Variants in RBFOX1 observed in about 807,000 individuals in gnomAD.
The protein encoded by RBFOX1 is RNA binding fox-1 homolog 1, also known as RNA binding protein fox-1 homolog 1.
A neutral mutation model predicts 57.7 loss-of-function variants in RBFOX1; 8 were observed. The ratio of observed to expected loss-of-function variants is 0.14; its 90% CI spans 0.08 to 0.25. RBFOX1 has a LOEUF of 0.25. RBFOX1 is among the 10% of genes least tolerant of loss of function. The pLI, the probability that RBFOX1 is intolerant of heterozygous loss-of-function variation, is 1.00. For synonymous variants in RBFOX1, 326 were observed against 222.4 expected (o/e 1.47, Z -4.15); for missense variants, 611 against 548.5 (o/e 1.11, Z -1.14).
At chr16:5,727,626 C>T (rs1232935706) in intron 3 of RBFOX1, among the ~76,000 whole-genome samples, 1 of 152,074 alleles carries the variant, frequency 6.6e-6, no homozygotes, top group African/African-American at 2.4e-5. Context: ...CCAATATCTC[C>T]CCATTTACCC....
At chr16:7,041,060 C>T (rs1227657326) in intron 3 of RBFOX1, among the ~76,000 whole-genome samples, 2 of 148,574 alleles carry the variant, frequency 1.3e-5, no homozygotes, top group Non-Finnish European at 3.0e-5. Context: ...GGATTACAGG[C>T]AAGTGCCAAC....
At chr16:6,519,556 C>A (rs1208552726) in intron 2 of RBFOX1, among the ~76,000 whole-genome samples, 3 of 152,052 alleles carry the variant, frequency 2.0e-5, no homozygotes, top group African/African-American at 7.2e-5. Flanking sequence ...CAAAAATTAG[C>A]CAGGCGTGGT....
chr16:7,127,114 G>A (rs1035129351), intron 4 of RBFOX1, among the ~76,000 whole-genome samples: 1 of 150,308 alleles, frequency 6.7e-6, no homozygotes, highest in Non-Finnish European at 1.5e-5. Flanking sequence ...AGCACTTCAT[G>A]TGGTCATAAA....
intron 3 of RBFOX1, among the ~76,000 whole-genome samples, chr16:7,032,251 C>T (rs564471226): frequency 6.6e-6 from 1 of 151,970 alleles, no homozygotes; most frequent in South Asian, 2.1e-4. Context: ...ATGGTGAAAC[C>T]CCATCTCTAC....
chr16:6,808,908 T>C (rs2087672089), intron 3 of RBFOX1, among the ~76,000 whole-genome samples: 1 of 152,222 alleles, frequency 6.6e-6, no homozygotes, highest in Non-Finnish European at 1.5e-5. Flanking sequence ...CAAAGCAAGA[T>C]GTTAACGCAA....
Position 5,454,972 on chromosome 16 carries a change from T to TTTCTTTCTTTCC in RBFOX1, c.220-12233_220-12232insCTTCTTTCTTTC, listed in dbSNP as rs1567536087. On this transcript the variant is annotated intron_variant, in intron 1 of 2. Transcript: ENST00000585867. ...CTTCCTTCCTTCCTTTCTTTCTTTC[T>TTTCTTTCTTTCC]TTCTTTCTTTCTTTCTTTCTTTCTT... 1.2e-4 allele frequency among the ~76,000 whole-genome samples: 10 copies of TTTCTTTCTTTCC among 85,126 alleles called. 1 individual carries two copies. The highest frequency in any genetic ancestry group is 6.8e-4 in the Admixed American group (5 of 7,336). The allele number at this position is 85,126 out of a possible 152,430, so 55.8% of individuals were successfully genotyped here. A position where few individuals can be genotyped will look rare whatever the true frequency, so the allele number is the denominator to read the frequency against.
intron 2 of RBFOX1, among the ~76,000 whole-genome samples, chr16:6,625,305 T>G (rs2098289381): frequency 6.6e-6 from 1 of 151,528 alleles, no homozygotes; most frequent in Admixed American, 6.6e-5. Flanking sequence ...TCGATTTAAA[T>G]TAGAAAGAAC....
rs530608164 is a variant in RBFOX1 at position 7,478,674 on chromosome 16, C to A, written c.28-39473C>A. On this transcript the variant is annotated intron_variant, in intron 4 of 15. Transcript: ENST00000550418. ...ACTTTTGCCAGCTTTCCGCTATATG[C>A]AACAAAAACCTCAACCTCTGAATAT... Among the ~76,000 whole-genome samples, 11 of 152,262 alleles carry A rather than the reference C, an allele frequency of 7.2e-5. No homozygotes were observed. In the South Asian group the frequency reaches 2.1e-3, roughly 29 times the overall value.
At chr16:5,899,565 G>T (rs1366675252) in intron 4 of RBFOX1, among the ~76,000 whole-genome samples, 4 of 152,184 alleles carry the variant, frequency 2.6e-5, no homozygotes, top group African/African-American at 7.2e-5. Context: ...CAAACTGAAA[G>T]AGCTGGATAT....
At chr16:6,693,237 C>G (rs1446708495) in intron 3 of RBFOX1, among the ~76,000 whole-genome samples, 1 of 151,856 alleles carries the variant, frequency 6.6e-6, no homozygotes, top group Non-Finnish European at 1.5e-5. Context: ...CCTCCACTAC[C>G]ATCACCACCA....
At chr16:6,516,577 T>A (rs1341593573) in intron 2 of RBFOX1, among the ~76,000 whole-genome samples, 2 of 152,138 alleles carry the variant, frequency 1.3e-5, no homozygotes, top group Admixed American at 6.6e-5. Flanking sequence ...ACATGAAGAG[T>A]GACTAGTTCA....
intron 4 of RBFOX1, among the ~76,000 whole-genome samples, chr16:7,131,427 A>G (rs117553418): frequency 5.8e-5 from 8 of 138,564 alleles, no homozygotes; most frequent in African/African-American, 1.9e-4. Context: ...TTTAAGTTAT[A>G]GTTGGCCACT....
intron 1 of RBFOX1, among the ~76,000 whole-genome samples, chr16:5,408,645 T>C (rs1010185986): frequency 1.3e-5 from 2 of 152,200 alleles, no homozygotes; most frequent in African/African-American, 2.4e-5. Flanking sequence ...GGGTAATTTA[T>C]AAAGAAAAGA....
intron 4 of RBFOX1, among the ~76,000 whole-genome samples, chr16:7,348,985 C>G (rs1290319415): frequency 2.6e-5 from 4 of 152,082 alleles, no homozygotes; most frequent in Admixed American, 1.3e-4. Flanking sequence ...TGATCGGCTC[C>G]AGTCAACCGG....
At chr16:5,726,998 C>T (rs1461878763) in intron 3 of RBFOX1, among the ~76,000 whole-genome samples, 1 of 152,162 alleles carries the variant, frequency 6.6e-6, no homozygotes, top group Non-Finnish European at 1.5e-5. Flanking sequence ...GTGGCTCATG[C>T]CTGTAATCCC....
intron 3 of RBFOX1, among the ~76,000 whole-genome samples, chr16:5,854,612 A>T (rs1371110228): frequency 6.6e-6 from 1 of 150,420 alleles, no homozygotes; most frequent in African/African-American, 2.5e-5. Context: ...ACACACATGC[A>T]CACCACATTT....
intron 1 of RBFOX1, among the ~76,000 whole-genome samples, chr16:6,121,718 C>G (rs931449209): frequency 7.2e-5 from 11 of 152,088 alleles, no homozygotes; most frequent in Admixed American, 4.6e-4. Context: ...CAGGGCTAGT[C>G]TGCTTTCTAC....
chr16:6,601,259 A>G (rs9922663), intron 2 of RBFOX1, among the ~76,000 whole-genome samples: 2,816 of 152,282 alleles, frequency 0.018, 80 homozygotes, highest in African/African-American at 0.064. Flanking sequence ...TATAATTCCA[A>G]CTAGGGCTAT....
chr16:6,056,005 G>T (rs1419277891), intron 1 of RBFOX1, among the ~76,000 whole-genome samples: 2 of 152,154 alleles, frequency 1.3e-5, no homozygotes, highest in Non-Finnish European at 2.9e-5. Context: ...CTATGTGATA[G>T]AATTTGTTTC....
Sources: gnomAD v4.1 joint callset for allele counts (sites outside exome capture counted in the v4.1 genomes callset) on GRCh38, gnomAD v4.1.1 for gene constraint, MANE v1.5 for transcripts, NCBI Gene and HGNC (gene_info 2026-07-23, HGNC 2026-07-21) for gene names.